The following CGNL1 variants were observed in gnomAD, a reference collection of about 807,000 sequenced individuals.
CGNL1 encodes the protein cingulin-like protein 1.
CGNL1 carries 132 observed loss-of-function variants against 141.2 expected under a neutral mutation model. That is an observed-to-expected ratio of 0.93 (90% CI 0.81 to 1.08). The LOEUF is 1.08. Among genes scored for constraint, CGNL1 ranks in the 50% least tolerant of loss-of-function variants. The pLI is 0.00. For missense variants in CGNL1, 1,870 were observed against 1,588.6 expected, an observed-to-expected ratio of 1.18 and a Z score of -3.01; for synonymous variants, 690 against 622.1, an observed-to-expected ratio of 1.11 and a Z score of -1.63.
At chr15:57,514,317 G>A (rs1432097220) in intron 8 of CGNL1, among the ~76,000 whole-genome samples, 1 of 151,790 alleles carries the variant, frequency 6.6e-6, no homozygotes, top group Non-Finnish European at 1.5e-5. Context: ...ACACCTGGCT[G>A]ATTTTTGTAT....
At chr15:57,389,236 A>G (rs2062516509) in intron 1 of CGNL1, among the ~76,000 whole-genome samples, 1 of 152,218 alleles carries the variant, frequency 6.6e-6, no homozygotes, top group Non-Finnish European at 1.5e-5. Flanking sequence ...CAAGGAGTTC[A>G]TTAAAAATGA....
chr15:57,401,847 C>T (rs929240458), intron 1 of CGNL1, among the ~76,000 whole-genome samples: 5 of 152,246 alleles, frequency 3.3e-5, no homozygotes, highest in South Asian at 2.1e-4. Context: ...GACAGTATTT[C>T]CCAGCCTCCC....
At chr15:57,531,415 G>C (rs138238160) in intron 13 of CGNL1, among the ~76,000 whole-genome samples, 1 of 152,280 alleles carries the variant, frequency 6.6e-6, no homozygotes, top group African/African-American at 2.4e-5. Flanking sequence ...AATATCCTTA[G>C]TGTTTGCATT....
At chr15:57,512,949 CT>C (rs35325166) in intron 8 of CGNL1, among the ~76,000 whole-genome samples, 24,048 of 147,632 alleles carry the variant, frequency 0.16, 2,334 homozygotes, top group East Asian at 0.46. Context: ...TTTGTTTACC[CT>C]TTTTTTTTTT....
Position 57,439,531 on chromosome 15 carries a change from C to T in CGNL1, c.1532C>T (p.Thr511Ile). ...ACGCTGATGTTACAGAACCGGGCAACAGCAACTTCGCCTGATTCTGGTGCC... is the reference window on the plus strand; with the variant it reads ...ACGCTGATGTTACAGAACCGGGCAATAGCAACTTCGCCTGATTCTGGTGCC... ...TATLMLQNRA[T>I]ATSPDSGAKK... Residue 511 changes from threonine (T) to isoleucine (I), a missense_variant, in exon 2 of 19, where the codon ACA (threonine) becomes ATA (isoleucine). Transcript: ENST00000281282. 6.2e-7 allele frequency: 1 copy of T among 1,614,168 alleles called. No homozygotes were observed. Among genetic ancestry groups the T allele is most frequent in the Non-Finnish European group, 8.5e-7 (1 of 1,180,018 alleles).
chr15:57,443,667 C>A (rs1487651166), intron 4 of CGNL1, among the ~76,000 whole-genome samples: 1 of 152,200 alleles, frequency 6.6e-6, no homozygotes, highest in African/African-American at 2.4e-5. Flanking sequence ...AATCTTTACA[C>A]CATAGTCCTT....
intron 10 of CGNL1, among the ~76,000 whole-genome samples, chr15:57,521,131 AC>A (rs1187615167): frequency 6.6e-6 from 1 of 152,062 alleles, no homozygotes; most frequent in African/African-American, 2.4e-5. Context: ...CACTCCTGAT[AC>A]TGTCCACATG....
At chr15:57,439,665 C>G in intron 2 of CGNL1, 64 bp downstream of exon 2, 2 of 1,479,786 alleles carry the variant, frequency 1.4e-6, no homozygotes, top group Non-Finnish European at 1.8e-6. Flanking sequence ...TAATGATGTA[C>G]TTATGCTGCA....
Position 57,438,156 on chromosome 15 carries a change from C to T in CGNL1, c.157C>T (p.Pro53Ser). The change falls in exon 2 of 19, where the codon CCC (proline) becomes TCC (serine). Residue 53 changes from proline to serine, a missense_variant. Pro to Ser is a moderately conservative substitution (Grantham distance 74, BLOSUM62 -1). Transcript: ENST00000281282. ...SIRVQGIDGHPYIVLNNTERC... is the reference protein window; with the variant it reads ...SIRVQGIDGHSYIVLNNTERC... ...TCGGGTCCAGGGAATTGATGGTCAC[C>T]CCTATATTGTCCTGAATAACACAGA... is the stretch of plus-strand genomic sequence containing the variant. The T allele has an allele frequency of 5.0e-6, 8 of 1,614,146 alleles. No homozygotes were observed. Among genetic ancestry groups the T allele is most frequent in the Non-Finnish European group, 6.8e-6 (8 of 1,180,032 alleles).
At chr15:57,507,982 G>T (rs1376012059) in intron 8 of CGNL1, among the ~76,000 whole-genome samples, 1 of 152,178 alleles carries the variant, frequency 6.6e-6, no homozygotes, top group Non-Finnish European at 1.5e-5. Context: ...CATCATACAT[G>T]AATTGTTAGC....
intron 1 of CGNL1, among the ~76,000 whole-genome samples, chr15:57,387,239 A>G (rs2062493889): frequency 6.6e-6 from 1 of 152,214 alleles, no homozygotes; most frequent in African/African-American, 2.4e-5. Flanking sequence ...TAATGTTTTC[A>G]AGGTGCCATC....
intron 8 of CGNL1, among the ~76,000 whole-genome samples, chr15:57,475,105 A>G (rs1265419588): frequency 7.2e-5 from 11 of 152,016 alleles, no homozygotes. Context: ...CTCAGCAGCC[A>G]TCTCCCTATT....
In CGNL1 at chr15:57,544,528, AAG is replaced by A; in HGVS notation, c.3434_3435del (p.Glu1145GlyfsTer20). The stretch of plus-strand genomic sequence containing the variant: ...CTGGAAGGTTCCTACAGGTCCAGCA[AAG>A]AGGGGCTGGTTGTGCAGATGGAGGC... On this transcript the variant is annotated frameshift_variant, in exon 16 of 19. Transcript: ENST00000281282. LOFTEE classifies it high-confidence loss of function. 6.2e-7 allele frequency: 1 copy of A among 1,612,840 alleles called. No individual in the cohort carries two copies. Among genetic ancestry groups the A allele is most frequent in the Non-Finnish European group, 8.5e-7 (1 of 1,179,540 alleles).
chr15:57,376,825 G>C (rs1395600333), intron 1 of CGNL1: 1 of 152,292 alleles, frequency 6.6e-6, no homozygotes, highest in African/African-American at 2.4e-5. Flanking sequence ...AACCCGCTTC[G>C]GGGCGGGGTG....
intron 8 of CGNL1, among the ~76,000 whole-genome samples, chr15:57,484,672 C>T (rs1271293874): frequency 6.6e-6 from 1 of 152,068 alleles, no homozygotes; most frequent in Non-Finnish European, 1.5e-5. Context: ...AGGTTTTAAG[C>T]CCCGCATGCA....
chr15:57,417,308 A>G (rs1237201681), intron 1 of CGNL1, among the ~76,000 whole-genome samples: 1 of 152,044 alleles, frequency 6.6e-6, no homozygotes, highest in Non-Finnish European at 1.5e-5. Context: ...ATCTTAGCTC[A>G]CTGCAGCCTC....
chr15:57,434,431 T>G (rs1342081035), intron 1 of CGNL1, among the ~76,000 whole-genome samples: 1 of 152,110 alleles, frequency 6.6e-6, no homozygotes, highest in South Asian at 2.1e-4. Context: ...CAAAATAAAA[T>G]AGTAATCTGA....
intron 14 of CGNL1, among the ~76,000 whole-genome samples, chr15:57,542,204 C>T (rs921885794): frequency 1.3e-5 from 2 of 152,148 alleles, no homozygotes; most frequent in Non-Finnish European, 2.9e-5. Flanking sequence ...GTACAGGTGG[C>T]GAAATTCAAC....
Position 57,438,883 on chromosome 15 carries a change from G to T in CGNL1, c.884G>T (p.Arg295Met), listed in dbSNP as rs2063144481. ...GPVLDGARSR[R>M]SSSSSTTPTS... is the part of the protein sequence containing the mutation. ...GTCCTGGATGGAGCTCGGTCCCGGA[G>T]GTCCTCCTCGTCATCCACAACTCCC... The change falls in exon 2 of 19, where the codon AGG becomes ATG. Residue 295 changes from arginine (R) to methionine (M), a missense_variant. By Grantham distance (91) the Arg-to-Met change is moderately conservative. Transcript: ENST00000281282. 6.2e-7 allele frequency: 1 copy of T among 1,614,156 alleles called. No homozygotes were observed. The highest frequency in any genetic ancestry group is 2.2e-5 in the East Asian group (1 of 44,874).
Sources: allele counts gnomAD v4.1 joint callset (sites outside exome capture counted in the v4.1 genomes callset), GRCh38; gene constraint gnomAD v4.1.1; transcripts MANE v1.5; gene names NCBI Gene and HGNC (gene_info 2026-07-23, HGNC 2026-07-21).